Variants in DENND5B observed in about 807,000 individuals in gnomAD.
DENND5B encodes DENN domain-containing protein 5B.
Under a neutral mutation model 140.6 loss-of-function variants are expected in DENND5B, and 34 were observed. That is an observed-to-expected ratio of 0.24 (90% CI 0.18 to 0.32). The LOEUF (loss-of-function observed/expected upper bound fraction) is 0.32. DENND5B is among the 10% of genes least tolerant of loss of function. The pLI is 1.00. For missense variants in DENND5B, 1,142 were observed against 1,560.2 expected, an observed-to-expected ratio of 0.73 and a Z score of 4.52; for synonymous variants, 551 against 562.1, an observed-to-expected ratio of 0.98 and a Z score of 0.28.
At chr12:31,557,387 TTTTTC>T (rs1949322362) in intron 1 of DENND5B, among the ~76,000 whole-genome samples, 1 of 152,144 alleles carries the variant, frequency 6.6e-6, no homozygotes, top group Non-Finnish European at 1.5e-5. Context: ...ATTTTTTTCT[TTTTTC>T]TTTTAAGACA....
chr12:31,459,015 C>A (rs1323461539), intron 4 of DENND5B, among the ~76,000 whole-genome samples: 9 of 151,880 alleles, frequency 5.9e-5, no homozygotes. Context: ...GAGTTTGACA[C>A]CAGCCTGACC....
At chr12:31,417,614 G>T (rs962252954) in intron 11 of DENND5B, among the ~76,000 whole-genome samples, 3 of 152,004 alleles carry the variant, frequency 2.0e-5, no homozygotes, top group African/African-American at 4.8e-5. Flanking sequence ...GCTAATTTTT[G>T]TATTTTTTGT....
At chr12:31,414,189 A>G (rs975683134) in intron 12 of DENND5B, among the ~76,000 whole-genome samples, 1 of 152,124 alleles carries the variant, frequency 6.6e-6, no homozygotes, top group African/African-American at 2.4e-5. Context: ...TCAGCCTCCC[A>G]AAGTGCATGA....
intron 13 of DENND5B, among the ~76,000 whole-genome samples, chr12:31,409,774 C>T (rs1314525528): frequency 2.0e-5 from 3 of 151,804 alleles, no homozygotes; most frequent in African/African-American, 7.3e-5. Flanking sequence ...CCACCATGCC[C>T]GGCCATTTTT....
intron 1 of DENND5B, among the ~76,000 whole-genome samples, chr12:31,584,632 T>C (rs1220997845): frequency 1.3e-5 from 2 of 151,860 alleles, no homozygotes; most frequent in African/African-American, 4.8e-5. Flanking sequence ...TTAGGCAACA[T>C]CTTTGTAGAG....
intron 1 of DENND5B, among the ~76,000 whole-genome samples, chr12:31,497,538 C>G (rs1946805876): frequency 6.6e-6 from 1 of 151,520 alleles, no homozygotes; most frequent in Non-Finnish European, 1.5e-5. Flanking sequence ...ATTCAGGGCT[C>G]AGAACTGATT....
chr12:31,483,456 T>C (rs1051366088), intron 2 of DENND5B, among the ~76,000 whole-genome samples: 4 of 151,816 alleles, frequency 2.6e-5, no homozygotes, highest in South Asian at 2.1e-4. Context: ...TTTTTTTTTT[T>C]CCAAGACGGA....
intron 1 of DENND5B, among the ~76,000 whole-genome samples, chr12:31,565,982 A>T (rs1300544661): frequency 6.6e-6 from 1 of 151,854 alleles, no homozygotes; most frequent in Admixed American, 6.6e-5. Flanking sequence ...TCTCTAGAAA[A>T]AAAAATATAA....
chr12:31,532,001 A>G (rs1948305437), intron 1 of DENND5B, among the ~76,000 whole-genome samples: 1 of 152,224 alleles, frequency 6.6e-6, no homozygotes, highest in South Asian at 2.1e-4. Flanking sequence ...GAAAATAAAA[A>G]AATACACCAG....
chr12:31,582,648 G>C (rs1950243607), intron 1 of DENND5B, among the ~76,000 whole-genome samples: 1 of 152,152 alleles, frequency 6.6e-6, no homozygotes, highest in South Asian at 2.1e-4. Flanking sequence ...AATGAATGAG[G>C]AAATGCATGC....
chr12:31,466,054 G>A (rs1474643023), intron 3 of DENND5B, among the ~76,000 whole-genome samples: 1 of 152,172 alleles, frequency 6.6e-6, no homozygotes, highest in Non-Finnish European at 1.5e-5. Flanking sequence ...ATGCAGCACA[G>A]AGACACACAG....
intron 1 of DENND5B, among the ~76,000 whole-genome samples, chr12:31,542,826 A>G (rs1948730718): frequency 6.6e-6 from 1 of 152,090 alleles, no homozygotes; most frequent in Admixed American, 6.5e-5. Flanking sequence ...GTGTGGTGGC[A>G]TGCAACTGCA....
chr12:31,456,052 G>A (rs1243475018), intron 4 of DENND5B, among the ~76,000 whole-genome samples: 1 of 150,890 alleles, frequency 6.6e-6, no homozygotes, highest in East Asian at 1.9e-4. Context: ...AAAAGTGGCC[G>A]GGCACAGTGG....
chr12:31,555,073 G>A (rs1385023765), intron 1 of DENND5B, among the ~76,000 whole-genome samples: 1 of 152,128 alleles, frequency 6.6e-6, no homozygotes, highest in African/African-American at 2.4e-5. Flanking sequence ...GTCATTCTTT[G>A]TCCAGCTTTG....
intron 14 of DENND5B, among the ~76,000 whole-genome samples, chr12:31,402,887 A>T (rs1027442237): frequency 6.6e-6 from 1 of 152,120 alleles, no homozygotes; most frequent in Admixed American, 6.6e-5. Context: ...TCATGTATGT[A>T]TGATGCATAT....
chr12:31,473,545 CA>C (rs1433772357), intron 3 of DENND5B, among the ~76,000 whole-genome samples: 1 of 152,058 alleles, frequency 6.6e-6, no homozygotes, highest in Non-Finnish European at 1.5e-5. Context: ...CTGGTACAGA[CA>C]AATTCTCTGT....
intron 17 of DENND5B, among the ~76,000 whole-genome samples, chr12:31,394,860 G>A (rs1044978070): frequency 2.0e-5 from 3 of 152,086 alleles, no homozygotes; most frequent in Non-Finnish European, 4.4e-5. Flanking sequence ...TGATCCGCCC[G>A]TCTTGGCCTC....
chr12:31,501,057 G>A (rs779636712), intron 1 of DENND5B, among the ~76,000 whole-genome samples: 6 of 152,150 alleles, frequency 3.9e-5, no homozygotes, highest in Non-Finnish European at 8.8e-5. Context: ...AACTTATGGG[G>A]ATGGGATACC....
chr12:31,492,170 C>T (rs1050148181), intron 2 of DENND5B, among the ~76,000 whole-genome samples: 4 of 150,586 alleles, frequency 2.7e-5, no homozygotes, highest in Non-Finnish European at 3.0e-5. Context: ...AAAACACAGC[C>T]TTTGCGATTA....
Sources: gnomAD v4.1 joint callset for allele counts (sites outside exome capture counted in the v4.1 genomes callset) on GRCh38, gnomAD v4.1.1 for gene constraint, MANE v1.5 for transcripts, NCBI Gene and HGNC (gene_info 2026-07-23, HGNC 2026-07-21) for gene names.